DONSON: variants seen among roughly 807,000 people sequenced by gnomAD.
DONSON encodes the protein protein downstream neighbor of Son.
Under a neutral mutation model 62.1 loss-of-function variants are expected in DONSON, and 43 were observed. The ratio of observed to expected loss-of-function variants is 0.69; its 90% CI spans 0.54 to 0.89. The LOEUF is 0.89. DONSON is among the 40% of genes least tolerant of loss of function. The pLI is 0.00. For synonymous variants in DONSON, 266 were observed against 264.6 expected, an observed-to-expected ratio of 1.01 and a Z score of -0.05; for missense variants, 696 against 697.5, an observed-to-expected ratio of 1.00 and a Z score of 0.03.
rs1318901655 is a variant in DONSON at position 33,588,670 on chromosome 21, G to A, written c.-29C>T. 7.3e-6 allele frequency: 9 copies of A among 1,226,372 alleles called. No homozygotes were observed. The highest frequency in any genetic ancestry group is 1.6e-5 in the African/African-American group (1 of 63,898). The allele number at this position is 1,226,372 out of a possible 1,614,324, so 76.0% of individuals were successfully genotyped here. A position where few individuals can be genotyped will look rare whatever the true frequency, so the allele number is the denominator to read the frequency against. On this transcript the variant is annotated 5_prime_UTR_variant, in exon 1 of 10. Coordinates refer to ENST00000303071, the MANE Select transcript of DONSON (RefSeq NM_017613.4). Reference sequence around the variant, plus strand: ...GCGCGGCGGCTGAGGGTAGCCGGCCGCCCTACAGAGACTTCCCGCGCGCGC... The same window carrying A: ...GCGCGGCGGCTGAGGGTAGCCGGCCACCCTACAGAGACTTCCCGCGCGCGC...
At chr21:33,585,353 T>C (rs529731277) in intron 3 of DONSON, among the ~76,000 whole-genome samples, 59 of 151,180 alleles carry the variant, frequency 3.9e-4, no homozygotes, top group Non-Finnish European at 7.7e-4. Context: ...CCCAAGTAGC[T>C]GGGACTACAG....
At chr21:33,581,598 A>T in intron 7 of DONSON, 98 bp from the exon 8 acceptor site, 1 of 959,984 alleles carries the variant, frequency 1.0e-6, no homozygotes, top group Non-Finnish European at 1.5e-6. Flanking sequence ...TTTTCTCCAT[A>T]ATGAAATGGA....
At position 33,578,038 on chromosome 21, in the gene DONSON, T is replaced by C. The variant is rs1270998462; in HGVS notation, c.*269A>G. ...GGGTAACTGCTATGTGATTTCCCAT[T>C]TGCAAGGAAGCATATTAATTCAGTT... On this transcript the variant is annotated 3_prime_UTR_variant, in exon 10 of 10. Transcript: ENST00000303071. The C allele has an allele frequency of 3.7e-6, 1 of 266,958 alleles. No individual in the cohort carries two copies. The highest frequency in any genetic ancestry group is 2.2e-5 in the African/African-American group (1 of 45,158). The allele number at this position is 266,958 out of a possible 1,614,324, so 16.5% of individuals were successfully genotyped here.
In DONSON at chr21:33,577,699, A is replaced by ACACCCACC. The variant is rs2086449031; in HGVS notation, c.*607_*608insGGTGGGTG. On this transcript the variant is annotated 3_prime_UTR_variant, in exon 10 of 10. Coordinates refer to ENST00000303071, the MANE Select transcript of DONSON (RefSeq NM_017613.4). ...CACACACACACACACACACACACAC[A>ACACCCACC]CACCCCTATAAGCACATTAAATACT... The ACACCCACC allele has an allele frequency of 2.2e-5, 3 of 136,500 alleles. No homozygotes were observed. The highest frequency in any genetic ancestry group is 8.4e-5 in the African/African-American group (3 of 35,796). The allele number at this position is 136,500 out of a possible 1,614,324, so 8.5% of individuals were successfully genotyped here.
In DONSON at chr21:33,587,787, GAGGGGAA is replaced by G. The variant is rs1438433719; in HGVS notation, c.322-192_322-186del. On this transcript the variant is annotated intron_variant, in intron 1 of 9. Coordinates refer to ENST00000303071, the MANE Select transcript of DONSON (RefSeq NM_017613.4). ...GTGTCTGAACTTTAGTATCAAAATT[GAGGGGAA>G]CAGGGACCGGCGTTTCAAACCGAAA... 2.0e-5 allele frequency among the ~76,000 whole-genome samples: 3 copies of G among 152,168 alleles called. No homozygotes were observed. In the East Asian group the frequency reaches 5.8e-4, roughly 29 times the overall value.
chr21:33,578,486 CTT>C (rs747754060), intron 9 of DONSON, 42 bp from the exon 10 acceptor site: 4 of 1,566,464 alleles, frequency 2.6e-6, no homozygotes, highest in South Asian at 1.2e-5. Flanking sequence ...GCACATTAGT[CTT>C]TAAACACAGA....
Position 33,583,606 on chromosome 21 carries a change from G to A in DONSON, c.846C>T (p.Tyr282=), listed in dbSNP as rs1255696240. 8 of 1,613,038 alleles carry A rather than the reference G, an allele frequency of 5.0e-6. No individual in the cohort carries two copies. Among genetic ancestry groups the A allele is most frequent in the Non-Finnish European group, 6.8e-6 (8 of 1,179,328 alleles). ...GGACAGTAAACTGATAGGTACAAACGTAGAAATAGGGGCAAAGTTTTGTCT... is the reference window on the plus strand; with the variant it reads ...GGACAGTAAACTGATAGGTACAAACATAGAAATAGGGGCAAAGTTTTGTCT... ...LLKTKLCPYF[Y]VCTYQFTVLF... Residue 282 remains tyrosine (Y), a synonymous_variant, in exon 5 of 10, where the codon TAC becomes TAT. Coordinates refer to ENST00000303071, the MANE Select transcript of DONSON (RefSeq NM_017613.4).
chr21:33,581,059 G>T, intron 8 of DONSON: 1 of 369,192 alleles, frequency 2.7e-6, no homozygotes, highest in South Asian at 3.3e-5. Context: ...ATTCAGCCTG[G>T]ATAGCAGCGC....
Position 33,581,288 on chromosome 21 carries a change from CAG to C in DONSON, c.1350+12_1350+13del, listed in dbSNP as rs1479599422. The C allele has an allele frequency of 1.9e-6, 3 of 1,611,186 alleles. No individual in the cohort carries two copies. The highest frequency in any genetic ancestry group is 1.3e-5 in the African/African-American group (1 of 74,884). On this transcript the variant is annotated intron_variant, in intron 8 of 9. Transcript: ENST00000303071. ...AGTACTTCTTAAAAGCTAGGTTATG[CAG>C]ACTTTTATTACCTTAAGCATTTGCA...
At chr21:33,579,982 G>T (rs917961405) in intron 8 of DONSON, among the ~76,000 whole-genome samples, 1 of 151,866 alleles carries the variant, frequency 6.6e-6, no homozygotes, top group Non-Finnish European at 1.5e-5. Flanking sequence ...ATCACTTGAG[G>T]TCAGGAGTTC....
intron 4 of DONSON, 108 bp downstream of exon 4, chr21:33,584,482 A>T: frequency 1.8e-6 from 2 of 1,098,938 alleles, no homozygotes; most frequent in Non-Finnish European, 2.5e-6. Context: ...ATTCACAAGG[A>T]TCTAGATACC....
rs2086559062 is a variant in DONSON, at chr21:33,584,764, G to C, written c.611C>G (p.Pro204Arg). ...ACAACGGAGCTCAGAGGAGAGTTTG[G>C]GATCCTAAAATCCAAAGGTGACAGT... ...EVTLPKSIQD[P>R]KLSSELRCTF... Residue 204 changes from proline to arginine, a missense_variant, in exon 4 of 10, where the codon CCC (proline) becomes CGC (arginine). Physicochemically the swap from Pro to Arg is moderately radical, Grantham distance 103 (BLOSUM62 -2). Coordinates refer to ENST00000303071, the MANE Select transcript of DONSON (RefSeq NM_017613.4). 2 of 1,523,122 alleles carry C rather than the reference G, an allele frequency of 1.3e-6. No individual in the cohort carries two copies. Among genetic ancestry groups the C allele is most frequent in the Non-Finnish European group, 8.9e-7 (1 of 1,129,066 alleles). 94.4% of individuals were successfully genotyped at this position (1,523,122 alleles called of 1,614,324 possible). A position where few individuals can be genotyped will look rare whatever the true frequency, so the allele number is the denominator to read the frequency against.
In DONSON at chr21:33,586,081, G is replaced by C; in HGVS notation, c.503C>G (p.Ser168Cys). 3.1e-6 allele frequency: 5 copies of C among 1,614,220 alleles called. No individual in the cohort carries two copies. The highest frequency in any genetic ancestry group is 4.2e-6 in the Non-Finnish European group (5 of 1,180,044). The change falls in exon 3 of 10, where the codon TCT (serine) becomes TGT (cysteine). Residue 168 changes from serine to cysteine, a missense_variant. Physicochemically the swap from Ser to Cys is moderately radical, Grantham distance 112. Transcript: ENST00000303071. Reference sequence around the variant, plus strand: ...ATGATCTGCCCAGGTAAAGGGTTGAGAAGAGGTGAAAAGGAGTCGCGTTTT... The same window carrying C: ...ATGATCTGCCCAGGTAAAGGGTTGACAAGAGGTGAAAAGGAGTCGCGTTTT... ...SIKTRLLFTSSQPFTWADHLK... is the reference protein window; with the variant it reads ...SIKTRLLFTSCQPFTWADHLK...
intron 9 of DONSON, 84 bp downstream of exon 9, chr21:33,579,266 G>C: frequency 1.0e-6 from 1 of 994,358 alleles, no homozygotes; most frequent in East Asian, 2.5e-5. Context: ...ACACAATAGT[G>C]ACTCAGCATA....
intron 9 of DONSON, 111 bp downstream of exon 9, chr21:33,579,237 AAC>A (rs2086476830): frequency 4.2e-6 from 3 of 717,100 alleles, no homozygotes; most frequent in Non-Finnish European, 6.4e-6. Context: ...ATAATTAAGT[AAC>A]AGTTTAATTA....
At position 33,586,187 on chromosome 21, in the gene DONSON, G is replaced by C. The variant is rs1227328044; in HGVS notation, c.403-6C>G. On this transcript the variant is annotated splice_region_variant and splice_polypyrimidine_tract_variant and intron_variant, in intron 2 of 9. Transcript: ENST00000303071. ...GAGAATGATACATGTGAAGTCTTTAGAAAACAAAGAATGCAAAAATTAGTC... is the reference window on the plus strand; with the variant it reads ...GAGAATGATACATGTGAAGTCTTTACAAAACAAAGAATGCAAAAATTAGTC... 4 of 1,612,374 alleles carry C rather than the reference G, an allele frequency of 2.5e-6. No homozygotes were observed. Among genetic ancestry groups the C allele is most frequent in the Non-Finnish European group, 3.4e-6 (4 of 1,178,882 alleles).
chr21:33,579,259 C>T (rs2086477290), intron 9 of DONSON, 91 bp downstream of exon 9: 1 of 957,264 alleles, frequency 1.0e-6, no homozygotes, highest in Non-Finnish European at 1.5e-6. Context: ...ACTTGAAACA[C>T]AATAGTGACT....
intron 2 of DONSON, 37 bp downstream of exon 2, chr21:33,587,485 A>G (rs1389139340): frequency 6.5e-7 from 1 of 1,536,254 alleles, no homozygotes; most frequent in African/African-American, 1.4e-5. Context: ...AAAAGTTTAT[A>G]CAAATACACA....
chr21:33,580,138 A>T (rs1261735085), intron 8 of DONSON, among the ~76,000 whole-genome samples: 1 of 152,038 alleles, frequency 6.6e-6, no homozygotes, highest in East Asian at 1.9e-4. Context: ...CAGAGGTTGA[A>T]GAATCGCTTG....
Sources: gnomAD v4.1 joint callset for allele counts (sites outside exome capture counted in the v4.1 genomes callset) on GRCh38, gnomAD v4.1.1 for gene constraint, MANE v1.5 for transcripts, NCBI Gene and HGNC (gene_info 2026-07-23, HGNC 2026-07-21) for gene names.